The following AATK variants were observed in gnomAD, a reference collection of about 807,000 sequenced individuals.
AATK encodes lemur tail kinase 1, also known as serine/threonine-protein kinase LMTK1.
In AATK, 91 loss-of-function variants were observed where a neutral mutation model predicts 114.3. The ratio of observed to expected loss-of-function variants is 0.80; its 90% confidence interval spans 0.67 to 0.95. The LOEUF is 0.95. Among genes scored for constraint, AATK ranks in the 40% least tolerant of loss-of-function variants. AATK has a pLI of 0.00. For missense variants in AATK, 2,176 were observed against 1,965.2 expected (o/e 1.11, Z -2.03); for synonymous variants, 1,075 against 916.5 (o/e 1.17, Z -3.12).
intron 1 of AATK, 122 bp downstream of exon 1, chr17:81,165,816 T>A: frequency 6.6e-7 from 1 of 1,506,550 alleles, no homozygotes; most frequent in Non-Finnish European, 8.9e-7. Context: ...CTGCTTCTGC[T>A]GCTGGGCTCG....
intron 1 of AATK, among the ~76,000 whole-genome samples, chr17:81,143,871 G>C (rs1325804922): frequency 1.3e-5 from 2 of 152,352 alleles, no homozygotes; most frequent in East Asian, 3.9e-4. Flanking sequence ...TGCCCCGTGG[G>C]TGCGGGCGTG....
In AATK at chr17:81,117,785, G is replaced by A. The variant is rs1268515733; in HGVS notation, c.*617C>T. 1 of 152,332 alleles carries A rather than the reference G, an allele frequency of 6.6e-6. No individual in the cohort carries two copies. Among genetic ancestry groups the A allele is most frequent in the Non-Finnish European group, 1.5e-5 (1 of 68,104 alleles). The allele number at this position is 152,332 out of a possible 1,614,324, so 9.4% of individuals were successfully genotyped here. On this transcript the variant is annotated 3_prime_UTR_variant, in exon 14 of 14. Transcript: ENST00000326724. ...CCCAGGTGGGAGCAGCCTGTTCCCT[G>A]TGGGAAGGGTGGGCTTACGGGTCTA...
chr17:81,131,657 G>A (rs1428925756), intron 2 of AATK, among the ~76,000 whole-genome samples: 2 of 152,128 alleles, frequency 1.3e-5, no homozygotes, highest in Non-Finnish European at 2.9e-5. Flanking sequence ...AGCTGGCCCT[G>A]CCCATCCAGA....
In AATK at chr17:81,131,772, TCCATCAC is replaced by T. The variant is rs1305808883; in HGVS notation, c.190-574_190-568del. 5 of 1,218,962 alleles carry T rather than the reference TCCATCAC, an allele frequency of 4.1e-6. No individual in the cohort carries two copies. The Admixed American group carries it at 1.4e-4, about 34-fold the overall frequency. 75.5% of individuals were successfully genotyped at this position (1,218,962 alleles called of 1,614,324 possible). ...ATGGCGCAGCTTCGGGGACAGGAAT[TCCATCAC>T]CCCCTGCCCCACAGTCCTGTGGGAG... On this transcript the variant is annotated intron_variant, in intron 2 of 13. Coordinates refer to ENST00000326724, the MANE Select transcript of AATK (RefSeq NM_001080395.3).
intron 1 of AATK, among the ~76,000 whole-genome samples, chr17:81,159,331 G>A (rs1183658916): frequency 6.6e-6 from 1 of 152,130 alleles, no homozygotes; most frequent in South Asian, 2.1e-4. Flanking sequence ...CTGGGAGGGC[G>A]CCGGCGGCCT....
chr17:81,147,629 A>G (rs6565538), intron 1 of AATK, among the ~76,000 whole-genome samples: 145,033 of 152,156 alleles, frequency 0.95, 69,231 homozygotes, highest in Middle Eastern at 0.98. Flanking sequence ...AGTGGCACAC[A>G]CCTGTGGTCC....
chr17:81,165,837 A>G, intron 1 of AATK, 101 bp downstream of exon 1: 1 of 1,515,152 alleles, frequency 6.6e-7, no homozygotes, highest in Admixed American at 2.1e-5. Context: ...GGGCGGGGAA[A>G]GGGTTAATTT....
rs1190699201 is a variant in AATK at position 81,122,416 on chromosome 17, G to T, written c.1520C>A (p.Ala507Asp). ...GRTARLQELC[A>D]PDGAPPGVVP... ...CACGCCCGGGGGCGCGCCGTCGGGG[G>T]CGCACAGCTCCTGCAGGCGTGCGGT... is the stretch of plus-strand genomic sequence containing the variant. Residue 507 changes from alanine (A) to aspartate (D), a missense_variant, in exon 11 of 14, where the codon GCC (alanine) becomes GAC (aspartate). Ala to Asp is a moderately radical substitution (Grantham distance 126, BLOSUM62 -2). Transcript: ENST00000326724. 6.8e-6 allele frequency: 10 copies of T among 1,462,880 alleles called. No individual in the cohort carries two copies. Among genetic ancestry groups the T allele is most frequent in the African/African-American group, 3.0e-5 (2 of 67,226 alleles). The allele number at this position is 1,462,880 out of a possible 1,614,324, so 90.6% of individuals were successfully genotyped here. A position where few individuals can be genotyped will look rare whatever the true frequency, so the allele number is the denominator to read the frequency against.
chr17:81,124,251 T>C (rs1312037645), intron 9 of AATK, among the ~76,000 whole-genome samples: 1 of 130,638 alleles, frequency 7.7e-6, no homozygotes, highest in African/African-American at 2.9e-5. Context: ...GGCTCGGCCC[T>C]GCCCCTTCCG....
intron 1 of AATK, among the ~76,000 whole-genome samples, chr17:81,156,275 A>G (rs1469859245): frequency 6.6e-6 from 1 of 151,466 alleles, no homozygotes; most frequent in East Asian, 1.9e-4. Flanking sequence ...AATGTATGTT[A>G]CTATGTTACA....
Position 81,126,058 on chromosome 17 carries a change from C to G in AATK, c.755+369G>C. 2.1e-6 allele frequency: 1 copy of G among 483,608 alleles called. No individual in the cohort carries two copies. Among genetic ancestry groups the G allele is most frequent in the South Asian group, 1.6e-5 (1 of 64,130 alleles). The allele number at this position is 483,608 out of a possible 1,614,324, so 30.0% of individuals were successfully genotyped here. A position where few individuals can be genotyped will look rare whatever the true frequency, so the allele number is the denominator to read the frequency against. On this transcript the variant is annotated intron_variant, in intron 7 of 13. Transcript: ENST00000326724. The surrounding 1 kb of genome is among the most constrained non-coding windows in gnomAD (Gnocchi z 5.1). ...GCTGGGCATCCTGGCCCAAGCAGGACAGAACCCTCCCTCCAGGGTCCTTCG... is the reference window on the plus strand; with the variant it reads ...GCTGGGCATCCTGGCCCAAGCAGGAGAGAACCCTCCCTCCAGGGTCCTTCG...
rs1206202124 is a variant in AATK at position 81,120,317 on chromosome 17, G to C, written c.3619C>G (p.Leu1207Val). ...VVAESQSARN[L>V]RSLLKMPSLL... ...CTGGGCATCTTGAGCAGGCTGCGCA[G>C]GTTGCGCGCGCTCTGGCTCTCAGCC... is the stretch of plus-strand genomic sequence containing the variant. The change falls in exon 11 of 14, where the codon CTG becomes GTG. Residue 1207 changes from leucine to valine, a missense_variant. By Grantham distance (32) the Leu-to-Val change is conservative. This residue lies in a region of AATK where 1,701 missense variants were observed against 1,394.7 expected (regional missense o/e 1.22). Coordinates refer to ENST00000326724, the MANE Select transcript of AATK (RefSeq NM_001080395.3). 2 of 1,610,778 alleles carry C rather than the reference G, an allele frequency of 1.2e-6. No homozygotes were observed. Among genetic ancestry groups the C allele is most frequent in the Non-Finnish European group, 1.7e-6 (2 of 1,179,288 alleles).
At position 81,166,108 on chromosome 17, in the gene AATK, C is replaced by T; in HGVS notation, c.-116G>A. 2.2e-6 allele frequency: 1 copy of T among 462,484 alleles called. No individual in the cohort carries two copies. Among genetic ancestry groups the T allele is most frequent in the Non-Finnish European group, 2.8e-6 (1 of 356,610 alleles). 28.6% of individuals were successfully genotyped at this position (462,484 alleles called of 1,614,324 possible). Reference sequence around the variant, plus strand: ...CGCCGCAGGTGCGGAGCGCGCCGGCCCCCGCGCCCCGCGCCCCCCGCCGCA... The same window carrying T: ...CGCCGCAGGTGCGGAGCGCGCCGGCTCCCGCGCCCCGCGCCCCCCGCCGCA... On this transcript the variant is annotated 5_prime_UTR_variant, in exon 1 of 14. Coordinates refer to ENST00000326724, the MANE Select transcript of AATK (RefSeq NM_001080395.3).
intron 1 of AATK, among the ~76,000 whole-genome samples, chr17:81,142,845 C>G (rs1242732932): frequency 6.7e-6 from 1 of 149,600 alleles, no homozygotes; most frequent in Non-Finnish European, 1.5e-5. Context: ...ACCACCCTAT[C>G]CACGGAGGTG....
chr17:81,139,040 GCACA>G lies in AATK; in HGVS notation c.56-4543_56-4540del, dbSNP rs920611487. Among the ~76,000 whole-genome samples, 4 of 151,980 alleles carry G rather than the reference GCACA, an allele frequency of 2.6e-5. No homozygotes were observed. The East Asian group carries it at 5.8e-4, about 22-fold the overall frequency. On this transcript the variant is annotated intron_variant, in intron 1 of 13. Coordinates refer to ENST00000326724, the MANE Select transcript of AATK (RefSeq NM_001080395.3). ...CACCCACACGTGTGCACACCCACAG[GCACA>G]CACACCCGCACATGCAAACATGCAC...
rs1263805161 is a variant in AATK, at chr17:81,131,106, G to A, written c.289C>T (p.Leu97Phe). The change falls in exon 3 of 14, where the codon CTC becomes TTC. Residue 97 changes from leucine (L) to phenylalanine (F), a missense_variant. Leu to Phe is a conservative substitution (Grantham distance 22, BLOSUM62 0). Transcript: ENST00000326724. ...GCCATGGGCAAGGAGACCTCCGTGA[G>A]TGGCAGGACGTACACGTCGGGCCCG... ...QNGPDVYVLP[L>F]TEVSLPMAKQ... 1.9e-6 allele frequency: 3 copies of A among 1,559,308 alleles called. No homozygotes were observed. Among genetic ancestry groups the A allele is most frequent in the Admixed American group, 3.8e-5 (2 of 52,854 alleles).
chr17:81,161,786 G>A (rs573152596), intron 1 of AATK, among the ~76,000 whole-genome samples: 7 of 152,190 alleles, frequency 4.6e-5, no homozygotes, highest in African/African-American at 1.2e-4. Context: ...CAGGGTCAGG[G>A]TTGGGAGCCG....
At chr17:81,135,925 G>A (rs1326749825) in intron 1 of AATK, 1 of 152,310 alleles carries the variant, frequency 6.6e-6, no homozygotes, top group African/African-American at 2.4e-5. Context: ...CCAACGGGTA[G>A]GGCCGTGAAC....
rs1436689033 is a variant in AATK, at chr17:81,118,435, T to G, written c.4092A>C (p.Glu1364Asp). 1 of 1,607,984 alleles carries G rather than the reference T, an allele frequency of 6.2e-7. No homozygotes were observed. Residue 1364 changes from glutamate (E) to aspartate (D), a missense_variant, in exon 14 of 14, where the codon GAA becomes GAC. By Grantham distance (45) the Glu-to-Asp change is conservative. This residue lies in a region of AATK where 1,701 missense variants were observed against 1,394.7 expected (regional missense o/e 1.22). Transcript: ENST00000326724. ...DSDAESKRGP[E>D]AGAGGESKEA is the part of the protein sequence containing the mutation. The stretch of plus-strand genomic sequence containing the variant: ...CTTTACTCTCACCCCCGGCACCAGC[T>G]TCAGGTCCTGGCAAGCAGGACAACA...
Sources: gnomAD v4.1 joint callset for allele counts (sites outside exome capture counted in the v4.1 genomes callset) on GRCh38, gnomAD v4.1.1 for gene constraint, gnomAD v4.1.1 regional missense constraint, Gnocchi (gnomAD v3.1) non-coding constraint, MANE v1.5 for transcripts, NCBI Gene and HGNC (gene_info 2026-07-23, HGNC 2026-07-21) for gene names.